The following SCAPER variants were observed in gnomAD, a reference collection of about 807,000 sequenced individuals.
The protein encoded by SCAPER is S phase cyclin A-associated protein in the endoplasmic reticulum.
In SCAPER, 98 loss-of-function variants were observed where a neutral mutation model predicts 182.2. That is an observed-to-expected ratio of 0.54 (90% confidence interval 0.46 to 0.64). The LOEUF (loss-of-function observed/expected upper bound fraction) is 0.64. Among genes scored for constraint, SCAPER ranks in the 30% least tolerant of loss-of-function variants. SCAPER has a pLI of 0.00. For missense variants in SCAPER, 1,432 were observed against 1,690.0 expected, an observed-to-expected ratio of 0.85 and a Z score of 2.68; for synonymous variants, 605 against 564.6, an observed-to-expected ratio of 1.07 and a Z score of -1.01.
At chr15:76,811,533 G>A (rs1366028600) in intron 5 of SCAPER, among the ~76,000 whole-genome samples, 1 of 152,234 alleles carries the variant, frequency 6.6e-6, no homozygotes. Context: ...GCTCATGCCT[G>A]TAATCCCAGC....
At chr15:76,654,509 T>C (rs1482199006) in intron 21 of SCAPER, among the ~76,000 whole-genome samples, 1 of 150,196 alleles carries the variant, frequency 6.7e-6, no homozygotes, top group Non-Finnish European at 1.5e-5. Context: ...GAAAAGAGAA[T>C]GCTTACAAAG....
At chr15:76,373,876 C>T (rs371568564) in intron 29 of SCAPER, among the ~76,000 whole-genome samples, 46 of 152,032 alleles carry the variant, frequency 3.0e-4, no homozygotes, top group African/African-American at 1.0e-3. Context: ...CTGTGACTTC[C>T]GAGTTCTTGG....
At position 76,598,307 on chromosome 15, in the gene SCAPER, C is replaced by T; in HGVS notation, c.2711+23457G>A. 1.7e-5 allele frequency among the ~76,000 whole-genome samples: 2 copies of T among 121,128 alleles called. 1 individual carries two copies. The highest frequency in any genetic ancestry group is 4.0e-5 in the Non-Finnish European group (2 of 49,850). 79.5% of individuals were successfully genotyped at this position (121,128 alleles called of 152,430 possible). ...TTAAAAAGTCAGGAAACAACGAATG[C>T]TAGAGGGGATGTGGAGAAATAGGAA... On this transcript the variant is annotated intron_variant, in intron 22 of 31. Coordinates refer to ENST00000563290, the MANE Select transcript of SCAPER (RefSeq NM_020843.4).
intron 21 of SCAPER, among the ~76,000 whole-genome samples, chr15:76,641,544 G>A (rs1411127089): frequency 6.6e-6 from 1 of 152,108 alleles, no homozygotes; most frequent in East Asian, 1.9e-4. Context: ...TGGGAACAAA[G>A]AGAGAGCCCC....
intron 15 of SCAPER, among the ~76,000 whole-genome samples, chr15:76,745,026 G>A (rs1355115339): frequency 6.6e-6 from 1 of 152,172 alleles, no homozygotes; most frequent in Admixed American, 6.5e-5. Flanking sequence ...ATAATCCTAA[G>A]TGAATTAATG....
At chr15:76,771,603 A>G in intron 10 of SCAPER, 139 bp downstream of exon 10, 1 of 626,850 alleles carries the variant, frequency 1.6e-6, no homozygotes, top group Non-Finnish European at 2.6e-6. Context: ...TACCAAAATA[A>G]TAAAATGTTA....
At chr15:76,742,466 T>TAAAAAAAAAAAA (rs55751202) in intron 15 of SCAPER, among the ~76,000 whole-genome samples, 5 of 37,026 alleles carry the variant, frequency 1.4e-4, no homozygotes, top group African/African-American at 5.0e-4. Context: ...TGTCTTTTCC[T>TAAAAAAAAAAAA]AAAAAAAAAA....
chr15:76,462,538 T>C (rs2049268623), intron 25 of SCAPER, among the ~76,000 whole-genome samples: 1 of 152,210 alleles, frequency 6.6e-6, no homozygotes, highest in African/African-American at 2.4e-5. Flanking sequence ...AAACTGTTAA[T>C]TGTTTTACTG....
At chr15:76,566,736 TA>T (rs2047062168) in intron 23 of SCAPER, among the ~76,000 whole-genome samples, 1 of 152,036 alleles carries the variant, frequency 6.6e-6, no homozygotes, top group African/African-American at 2.4e-5. Flanking sequence ...ATTTCTTCAA[TA>T]AAAAAATTTC....
intron 21 of SCAPER, among the ~76,000 whole-genome samples, chr15:76,663,542 T>C (rs2056352422): frequency 6.6e-6 from 1 of 151,674 alleles, no homozygotes; most frequent in African/African-American, 2.4e-5. Context: ...GGGAAGAAAT[T>C]ACATATACAC....
In SCAPER at chr15:76,841,829, C is replaced by T. The variant is rs1384895961; in HGVS notation, c.298G>A (p.Ala100Thr). Residue 100 changes from alanine to threonine, a missense_variant, in exon 5 of 32, where the codon GCT becomes ACT. Ala to Thr is a moderately conservative substitution (Grantham distance 58, BLOSUM62 0). This residue lies in a region of SCAPER where 480 missense variants were observed against 510.2 expected (regional missense o/e 0.94). Coordinates refer to ENST00000563290, the MANE Select transcript of SCAPER (RefSeq NM_020843.4). ...TRHPRKIDLR[A>T]RYWAFLFDNL... ...TCAAAAAGAAATGCCCAGTATCGAG[C>T]TCTTAGATCAATTTTCCGAGGGTGC... 6.2e-7 allele frequency: 1 copy of T among 1,613,906 alleles called. No individual in the cohort carries two copies. Among genetic ancestry groups the T allele is most frequent in the Non-Finnish European group, 8.5e-7 (1 of 1,179,858 alleles).
intron 5 of SCAPER, among the ~76,000 whole-genome samples, chr15:76,812,497 A>AAAAAAAAAAAAG (rs61243906): frequency 8.2e-6 from 1 of 122,414 alleles, no homozygotes. Flanking sequence ...AAAAAAAAAA[A>AAAAAAAAAAAAG]AAAGAAAGAA....
Position 76,504,916 on chromosome 15 carries a change from A to G in SCAPER, c.2897T>C (p.Ile966Thr). Residue 966 changes from isoleucine to threonine, a missense_variant, in exon 24 of 32, where the codon ATC (isoleucine) becomes ACC (threonine). Ile to Thr is a moderately conservative substitution (Grantham distance 89). Coordinates refer to ENST00000563290, the MANE Select transcript of SCAPER (RefSeq NM_020843.4). Reference sequence around the variant, plus strand: ...TGTGGCTGGGACTACTGCTTGAAGGATGTGTTCAAGGGCTGTTAATCCACC... The same window carrying G: ...TGTGGCTGGGACTACTGCTTGAAGGGTGTGTTCAAGGGCTGTTAATCCACC... Reference protein sequence around the residue: ...AAGGLTALEHILQAVVPATNV... With the variant: ...AAGGLTALEHTLQAVVPATNV... 1 of 1,613,122 alleles carries G rather than the reference A, an allele frequency of 6.2e-7. No homozygotes were observed. Among genetic ancestry groups the G allele is most frequent in the Non-Finnish European group, 8.5e-7 (1 of 1,179,632 alleles).
intron 22 of SCAPER, among the ~76,000 whole-genome samples, chr15:76,589,730 A>C (rs1181856166): frequency 2.0e-5 from 3 of 152,112 alleles, no homozygotes. Flanking sequence ...GAATTGTTAC[A>C]AAGTTCTGCT....
At chr15:76,693,802 A>G (rs111503250) in intron 20 of SCAPER, among the ~76,000 whole-genome samples, 2 of 152,268 alleles carry the variant, frequency 1.3e-5, no homozygotes, top group African/African-American at 4.8e-5. Flanking sequence ...GACAGAAATT[A>G]GAATAGTGAT....
chr15:76,574,362 A>G, intron 22 of SCAPER, 78 bp from the exon 23 acceptor site: 1 of 1,490,038 alleles, frequency 6.7e-7, no homozygotes, highest in East Asian at 2.4e-5. Context: ...ACTTTGAAAC[A>G]CAAGTTACTT....
intron 29 of SCAPER, among the ~76,000 whole-genome samples, chr15:76,365,646 CTACTT>C (rs2041758313): frequency 6.9e-6 from 1 of 144,648 alleles, no homozygotes; most frequent in Non-Finnish European, 1.5e-5. Context: ...ATTTGAGAAA[CTACTT>C]TATTTTGGAT....
chr15:76,641,422 GC>G (rs1174382719), intron 21 of SCAPER, among the ~76,000 whole-genome samples: 1 of 151,826 alleles, frequency 6.6e-6, no homozygotes, highest in Non-Finnish European at 1.5e-5. Context: ...AATAATAAAT[GC>G]TGGTATATCC....
chr15:76,395,219 T>G (rs550631644), intron 27 of SCAPER, among the ~76,000 whole-genome samples: 1 of 152,232 alleles, frequency 6.6e-6, no homozygotes, highest in Admixed American at 6.5e-5. Flanking sequence ...ATTGTGTGTA[T>G]GAGTACATTT....
Sources: allele counts gnomAD v4.1 joint callset (sites outside exome capture counted in the v4.1 genomes callset), GRCh38; gene constraint gnomAD v4.1.1; regional missense constraint gnomAD v4.1.1; transcripts MANE v1.5; gene names NCBI Gene and HGNC (gene_info 2026-07-23, HGNC 2026-07-21).